Variants in ITIH2 observed in about 807,000 individuals in gnomAD.
ITIH2 encodes the protein inter-alpha-trypsin inhibitor heavy chain 2, also known as inter-alpha-trypsin inhibitor heavy chain H2.
A neutral mutation model predicts 104.4 loss-of-function variants in ITIH2; 103 were observed. That is an observed-to-expected ratio of 0.99 (90% CI 0.84 to 1.16). The LOEUF is 1.16. ITIH2 is among the 50% of genes most tolerant of loss of function. The probability of loss-of-function intolerance (pLI) is 0.00; values close to 1 mark genes in which losing one functional copy is unlikely to be tolerated. For synonymous variants in ITIH2, 436 were observed against 435.4 expected, an observed-to-expected ratio of 1.00 and a Z score of -0.02; for missense variants, 1,108 against 1,162.4, an observed-to-expected ratio of 0.95 and a Z score of 0.68.
At chr10:7,720,374 G>T (rs1772011701) in intron 6 of ITIH2, among the ~76,000 whole-genome samples, 1 of 152,188 alleles carries the variant, frequency 6.6e-6, no homozygotes, top group Admixed American at 6.5e-5. Flanking sequence ...AGCTATGACT[G>T]TGGTTTGGTC....
chr10:7,721,004 T>C (rs1444121547), intron 7 of ITIH2, 41 bp downstream of exon 7: 1 of 1,222,798 alleles, frequency 8.2e-7, no homozygotes, highest in Admixed American at 1.7e-5. Flanking sequence ...TCACAGGGCC[T>C]CTGGATTGTG....
At position 7,737,731 on chromosome 10, in the gene ITIH2, ATATTATATTCTATATAATATTCTATAT is replaced by A. The variant is rs1835078076; in HGVS notation, c.1958-886_1958-860del. ...TATATTATATTCTATATAATATTCTATATTATATTCTATATAATATTCTATATTATATTCTATATAATATTCTATATT... is the reference window on the plus strand; with the variant it reads ...TATATTATATTCTATATAATATTCTATATATTCTATATAATATTCTATATT... On this transcript the variant is annotated intron_variant, in intron 15 of 20. Coordinates refer to ENST00000358415, the MANE Select transcript of ITIH2 (RefSeq NM_002216.3). Among the ~76,000 whole-genome samples, 2 of 36,386 alleles carry A rather than the reference ATATTATATTCTATATAATATTCTATAT, an allele frequency of 5.5e-5. 1 individual carries two copies. The highest frequency in any genetic ancestry group is 8.2e-5 in the Non-Finnish European group (2 of 24,474). The allele number at this position is 36,386 out of a possible 152,430, so 23.9% of individuals were successfully genotyped here. A position where few individuals can be genotyped will look rare whatever the true frequency, so the allele number is the denominator to read the frequency against.
intron 15 of ITIH2, among the ~76,000 whole-genome samples, chr10:7,736,786 G>A (rs74557398): frequency 0.023 from 3,542 of 152,180 alleles, 59 homozygotes; most frequent in South Asian, 0.079. Flanking sequence ...GACAGGATTC[G>A]GCATCAATTC....
chr10:7,733,551 G>A (rs756347657), intron 14 of ITIH2, among the ~76,000 whole-genome samples: 19 of 151,920 alleles, frequency 1.3e-4, no homozygotes, highest in Non-Finnish European at 2.1e-4. Context: ...TCTTGAAAAC[G>A]GCTTCTTGTC....
intron 19 of ITIH2, among the ~76,000 whole-genome samples, chr10:7,746,068 T>A (rs113806778): frequency 0.036 from 1,274 of 35,788 alleles, 64 homozygotes; most frequent in South Asian, 0.079. Context: ...ATCTTAAATT[T>A]AAAAAAAAAA....
intron 15 of ITIH2, among the ~76,000 whole-genome samples, chr10:7,737,653 T>G (rs1360302707): frequency 3.5e-5 from 3 of 84,558 alleles, no homozygotes; most frequent in Non-Finnish European, 5.8e-5. Context: ...ATATTCTATA[T>G]TATATTCTAT....
chr10:7,744,043 G>T, intron 17 of ITIH2, 39 bp from the exon 18 acceptor site: 1 of 1,513,140 alleles, frequency 6.6e-7, no homozygotes, highest in South Asian at 1.2e-5. Context: ...CAAAATAAAT[G>T]GCACAGAAGA....
chr10:7,731,775 G>T, intron 12 of ITIH2, 36 bp from the exon 13 acceptor site: 1 of 1,409,964 alleles, frequency 7.1e-7, no homozygotes, highest in South Asian at 1.3e-5. Flanking sequence ...AAAGCAGTAG[G>T]AACATAATTT....
At chr10:7,741,715 T>C (rs1276094066) in intron 16 of ITIH2, among the ~76,000 whole-genome samples, 1 of 140,746 alleles carries the variant, frequency 7.1e-6, no homozygotes, top group Non-Finnish European at 1.6e-5. Context: ...AAACCTTTAA[T>C]AGCTGCTCAA....
chr10:7,717,699 C>A lies in ITIH2; in HGVS notation c.541C>A (p.Leu181Ile). The change falls in exon 6 of 21, where the codon CTT (leucine) becomes ATT (isoleucine). Residue 181 changes from leucine to isoleucine, a missense_variant. By Grantham distance (5) the Leu-to-Ile change is conservative. Coordinates refer to ENST00000358415, the MANE Select transcript of ITIH2 (RefSeq NM_002216.3). ...VLPGAKVQFE[L>I]HYQEVKWRKL... Reference sequence around the variant, plus strand: ...CCCAGGAGCAAAGGTGCAGTTCGAACTTCACTACCAGGAGGTGAAGTGGAG... The same window carrying A: ...CCCAGGAGCAAAGGTGCAGTTCGAAATTCACTACCAGGAGGTGAAGTGGAG... 1 of 1,613,726 alleles carries A rather than the reference C, an allele frequency of 6.2e-7. No homozygotes were observed. Among genetic ancestry groups the A allele is most frequent in the East Asian group, 2.2e-5 (1 of 44,882 alleles).
chr10:7,723,901 A>G (rs1834929355), intron 9 of ITIH2, among the ~76,000 whole-genome samples: 1 of 152,128 alleles, frequency 6.6e-6, no homozygotes, highest in Admixed American at 6.5e-5. Flanking sequence ...GAAAAACAGA[A>G]TCTCTATATA....
Position 7,721,850 on chromosome 10 carries a change from A to G in ITIH2, c.867+73A>G, listed in dbSNP as rs901558329. On this transcript the variant is annotated intron_variant, in intron 8 of 20. Coordinates refer to ENST00000358415, the MANE Select transcript of ITIH2 (RefSeq NM_002216.3). The stretch of plus-strand genomic sequence containing the variant: ...GCTGCTCCTTTTTGAACAAACTCCC[A>G]GGCCTATGGGTGGTTTCTAGCTGCC... 13 of 1,560,682 alleles carry G rather than the reference A, an allele frequency of 8.3e-6. No individual in the cohort carries two copies. In the African/African-American group the frequency reaches 1.6e-4, roughly 19 times the overall value.
chr10:7,711,547 C>G lies in ITIH2; in HGVS notation c.363-1634C>G, dbSNP rs1439964208. Among the ~76,000 whole-genome samples the G allele has an allele frequency of 1.3e-5, 2 of 152,092 alleles. 1 individual carries two copies. The highest frequency in any genetic ancestry group is 4.8e-5 in the African/African-American group (2 of 41,408). On this transcript the variant is annotated intron_variant, in intron 4 of 20. Coordinates refer to ENST00000358415, the MANE Select transcript of ITIH2 (RefSeq NM_002216.3). ...TCTATGGGAGATGATTTCCTTTGTC[C>G]TAAAGACCCCTTGGCCTTTGAGACT...
Position 7,723,482 on chromosome 10 carries a change from C to A in ITIH2, c.899C>A (p.Ala300Asp), listed in dbSNP as rs1236331216. ...AATGGATATTTTGTCCACTTCTTTG[C>A]TCCTGACAACCTGGACCCAATTCCC... ...VFNGYFVHFF[A>D]PDNLDPIPKN... Residue 300 changes from alanine to aspartate, a missense_variant, in exon 9 of 21, where the codon GCT (alanine) becomes GAT (aspartate). Transcript: ENST00000358415. 2 of 1,613,210 alleles carry A rather than the reference C, an allele frequency of 1.2e-6. No individual in the cohort carries two copies. Among genetic ancestry groups the A allele is most frequent in the Admixed American group, 3.3e-5 (2 of 59,992 alleles).
intron 5 of ITIH2, among the ~76,000 whole-genome samples, chr10:7,714,991 T>A (rs1279414202): frequency 2.0e-5 from 3 of 152,170 alleles, no homozygotes; most frequent in South Asian, 2.1e-4. Flanking sequence ...ACTTGGGGAA[T>A]CCTGGAACCA....
At chr10:7,729,768 C>A in intron 11 of ITIH2, 184 bp from the exon 12 acceptor site, 1 of 488,094 alleles carries the variant, frequency 2.0e-6, no homozygotes. Flanking sequence ...TGCAACACAA[C>A]CCACACTTCA....
rs759573205 is a variant in ITIH2 at position 7,746,704 on chromosome 10, G to A, written c.2693G>A (p.Arg898Lys). 2 of 1,595,912 alleles carry A rather than the reference G, an allele frequency of 1.3e-6. No homozygotes were observed. Among genetic ancestry groups the A allele is most frequent in the Non-Finnish European group, 1.7e-6 (2 of 1,163,786 alleles). Residue 898 changes from arginine to lysine, a missense_variant and splice_region_variant, in exon 20 of 21, where the codon AGG becomes AAG. Arg to Lys is a conservative substitution (Grantham distance 26). Coordinates refer to ENST00000358415, the MANE Select transcript of ITIH2 (RefSeq NM_002216.3). ...AAGGGGCAGAAGCTGATCATCACCA[G>A]GTAGGCCTCGGGCGTAAGGACAGTG... ...EVKGQKLIITRGLQKDYRTDL... is the reference protein window; with the variant it reads ...EVKGQKLIITKGLQKDYRTDL...
At chr10:7,731,218 C>T (rs1834999733) in intron 12 of ITIH2, among the ~76,000 whole-genome samples, 1 of 152,054 alleles carries the variant, frequency 6.6e-6, no homozygotes, top group Non-Finnish European at 1.5e-5. Flanking sequence ...TGCCCGACCT[C>T]CTGCTGACTT....
chr10:7,735,892 C>T (rs147529438), intron 15 of ITIH2, among the ~76,000 whole-genome samples: 3,200 of 152,078 alleles, frequency 0.021, 56 homozygotes, highest in South Asian at 0.078. Flanking sequence ...AGGCTGGTCT[C>T]GAACTCCTGA....
Sources: allele counts gnomAD v4.1 joint callset (sites outside exome capture counted in the v4.1 genomes callset), GRCh38; gene constraint gnomAD v4.1.1; transcripts MANE v1.5; gene names NCBI Gene and HGNC (gene_info 2026-07-23, HGNC 2026-07-21).